Variants in CLPS observed in about 807,000 individuals in gnomAD.
The protein encoded by CLPS is colipase, pancreatic.
A neutral mutation model predicts 9.3 loss-of-function variants in CLPS; 8 were observed. The ratio of observed to expected loss-of-function variants is 0.86; its 90% CI spans 0.51 to 1.56. The LOEUF (loss-of-function observed/expected upper bound fraction) is 1.56, where lower values mean the gene tolerates loss of function less well. CLPS is among the 40% of genes most tolerant of loss of function. CLPS has a pLI of 0.00. For missense variants in CLPS, 144 were observed against 145.7 expected, an observed-to-expected ratio of 0.99 and a Z score of 0.06; for synonymous variants, 61 against 56.2, an observed-to-expected ratio of 1.09 and a Z score of -0.39.
chr6:35,795,603 T>G (rs966667690), intron 2 of CLPS, 128 bp downstream of exon 2: 1 of 1,452,446 alleles, frequency 6.9e-7, no homozygotes, highest in Non-Finnish European at 9.3e-7. Context: ...CTTTGACACC[T>G]GTCGACCTCC....
intron 1 of CLPS, chr6:35,796,872 T>G (rs1768380942): frequency 2.1e-6 from 1 of 465,128 alleles, no homozygotes; most frequent in Non-Finnish European, 4.1e-6. Flanking sequence ...AAGCAGAGAT[T>G]GCAGTGAGCC....
At chr6:35,797,163 A>G in intron 1 of CLPS, 42 bp downstream of exon 1, 4 of 1,560,136 alleles carry the variant, frequency 2.6e-6, no homozygotes, top group South Asian at 1.1e-5. Flanking sequence ...GGAAGTCTTC[A>G]TCTGGGGACT....
rs1037382648 is a variant in CLPS, at chr6:35,795,125, T to C, written c.*21A>G. On this transcript the variant is annotated 3_prime_UTR_variant, in exon 3 of 3. Coordinates refer to ENST00000259938, the MANE Select transcript of CLPS (RefSeq NM_001832.4). ...GTGGCCTACAGCATTCTGGGCTAGG[T>C]GTGGGAGTGGGTGGGCAGTCTCACT... The C allele has an allele frequency of 6.2e-7, 1 of 1,611,392 alleles. No individual in the cohort carries two copies.
chr6:35,796,407 G>A (rs1768369907), intron 1 of CLPS, among the ~76,000 whole-genome samples: 1 of 152,292 alleles, frequency 6.6e-6, no homozygotes, highest in South Asian at 2.1e-4. Flanking sequence ...GAGAGGTGGT[G>A]TGGGGCAGTG....
intron 1 of CLPS, 70 bp downstream of exon 1, chr6:35,797,135 G>A (rs1768387192): frequency 7.1e-7 from 1 of 1,411,654 alleles, no homozygotes; most frequent in South Asian, 1.2e-5. Context: ...AGACATCAGA[G>A]GTCAAGGTCC....
chr6:35,795,424 C>A, intron 2 of CLPS, 147 bp from the exon 3 acceptor site: 1 of 1,248,582 alleles, frequency 8.0e-7, no homozygotes, highest in Non-Finnish European at 1.1e-6. Flanking sequence ...GCCGTGGGCC[C>A]TGGAGACCCC....
Position 35,797,227 on chromosome 6 carries a change from G to A in CLPS, c.62C>T (p.Pro21Leu). The change falls in exon 1 of 3, where the codon CCC becomes CTC. Residue 21 changes from proline (P) to leucine (L), a missense_variant. Transcript: ENST00000259938. ...ALSVAYAAPG[P>L]RGIIINLENG... is the part of the protein sequence containing the mutation. ...TACCAGGTTGATAATGATCCCCCGGGGGCCAGGAGCTGCATAGGCCACAGA... is the reference window on the plus strand; with the variant it reads ...TACCAGGTTGATAATGATCCCCCGGAGGCCAGGAGCTGCATAGGCCACAGA... 1.9e-6 allele frequency: 3 copies of A among 1,614,096 alleles called. No homozygotes were observed. Among genetic ancestry groups the A allele is most frequent in the Non-Finnish European group, 2.5e-6 (3 of 1,179,962 alleles).
At chr6:35,796,005 C>A (rs1581961443) in intron 1 of CLPS, 152 bp from the exon 2 acceptor site, 2 of 1,291,694 alleles carry the variant, frequency 1.5e-6, no homozygotes, top group South Asian at 2.7e-5. Context: ...GCCTCTGTGC[C>A]CCCCACCCAC....
At chr6:35,796,984 C>T (rs1287824063) in intron 1 of CLPS, 21 of 589,406 alleles carry the variant, frequency 3.6e-5, no homozygotes, top group Non-Finnish European at 5.7e-5. Flanking sequence ...TGAGCTGCTG[C>T]TCTGAGCATG....
In CLPS at chr6:35,795,068, G is replaced by A. The variant is rs528094398; in HGVS notation, c.*78C>T. 124 of 1,554,512 alleles carry A rather than the reference G, an allele frequency of 8.0e-5. No homozygotes were observed. Among genetic ancestry groups the A allele is most frequent in the African/African-American group, 2.9e-4 (21 of 73,680 alleles). On this transcript the variant is annotated 3_prime_UTR_variant, in exon 3 of 3. Coordinates refer to ENST00000259938, the MANE Select transcript of CLPS (RefSeq NM_001832.4). ...AGGAGGTGGCCAGCCCGGGAGATGC[G>A]CTGGAGCAGGGGAGAGATGCCCCTG...
intron 2 of CLPS, 55 bp from the exon 3 acceptor site, chr6:35,795,332 C>T (rs966807517): frequency 2.1e-5 from 33 of 1,588,312 alleles, no homozygotes; most frequent in Non-Finnish European, 2.7e-5. Context: ...TTGGACATCA[C>T]TTGTCCCCTG....
chr6:35,795,382 G>A, intron 2 of CLPS, 105 bp from the exon 3 acceptor site: 12 of 1,497,310 alleles, frequency 8.0e-6, no homozygotes, highest in African/African-American at 1.4e-5. Context: ...GTGTTTTCGG[G>A]GAGTGCCTCT....
At chr6:35,796,717 C>T (rs950003286) in intron 1 of CLPS, 20 of 414,484 alleles carry the variant, frequency 4.8e-5, no homozygotes, top group Admixed American at 1.4e-4. Context: ...GGGCGGATCA[C>T]GAGGTCAGGA....
Position 35,797,291 on chromosome 6 carries a change from T to C in CLPS, c.-3A>G, listed in dbSNP as rs3748050. On this transcript the variant is annotated 5_prime_UTR_variant, in exon 1 of 3. Transcript: ENST00000259938. ...AGGAGGATCAGGATCTTCTCCATGGTGAGTGGGACAGCTGGTGTGGGTGGC... is the reference window on the plus strand; with the variant it reads ...AGGAGGATCAGGATCTTCTCCATGGCGAGTGGGACAGCTGGTGTGGGTGGC... 400,464 of 1,563,648 alleles carry C rather than the reference T, an allele frequency of 0.26. 22,528 individuals carry two copies. Among genetic ancestry groups the C allele is most frequent in the Non-Finnish European group, 0.27 (305,446 of 1,141,672 alleles).
In CLPS at chr6:35,795,242, C is replaced by A. The variant is rs1169523042; in HGVS notation, c.243G>T (p.Glu81Asp). 1.9e-6 allele frequency: 3 copies of A among 1,614,228 alleles called. No individual in the cohort carries two copies. Among genetic ancestry groups the A allele is most frequent in the Admixed American group, 1.7e-5 (1 of 60,022 alleles). ...TGTCTCCCTCACAGGTCAGGCCACG[C>A]TCACAGGGACACTTGTAGTAAATCC... is the stretch of plus-strand genomic sequence containing the variant. ...LYGIYYKCPC[E>D]RGLTCEGDKT... Residue 81 changes from glutamate (E) to aspartate (D), a missense_variant, in exon 3 of 3, where the codon GAG becomes GAT. Physicochemically the swap from Glu to Asp is conservative, Grantham distance 45. Transcript: ENST00000259938.
intron 1 of CLPS, 118 bp downstream of exon 1, chr6:35,797,087 A>G: frequency 1.1e-6 from 1 of 925,136 alleles, no homozygotes; most frequent in Non-Finnish European, 1.7e-6. Flanking sequence ...AGAGGGATGC[A>G]AGATGCCACT....
At position 35,795,256 on chromosome 6, in the gene CLPS, TGTA is replaced by T; in HGVS notation, c.226_228del (p.Tyr76del). 1 of 1,614,166 alleles carries T rather than the reference TGTA, an allele frequency of 6.2e-7. No homozygotes were observed. Among genetic ancestry groups the T allele is most frequent in the Non-Finnish European group, 8.5e-7 (1 of 1,179,998 alleles). ...GTCAGGCCACGCTCACAGGGACACTTGTAGTAAATCCCATAGAGCGTCTGCAGA... is the reference window on the plus strand; with the variant it reads ...GTCAGGCCACGCTCACAGGGACACTTGTAAATCCCATAGAGCGTCTGCAGA... On this transcript the variant is annotated inframe_deletion, in exon 3 of 3. Transcript: ENST00000259938.
intron 1 of CLPS, 23 bp downstream of exon 1, chr6:35,797,182 G>A (rs745617742): frequency 6.2e-6 from 10 of 1,602,952 alleles, no homozygotes; most frequent in East Asian, 2.2e-5. Context: ...CTCAGGAGGC[G>A]CCTCCCCTGA....
chr6:35,796,649 C>T (rs372282409), intron 1 of CLPS, among the ~76,000 whole-genome samples: 2 of 152,270 alleles, frequency 1.3e-5, no homozygotes, highest in Admixed American at 1.3e-4. Flanking sequence ...AAAGCTCCCT[C>T]GTAGGGCCAG....
Sources: gnomAD v4.1 joint callset for allele counts (sites outside exome capture counted in the v4.1 genomes callset) on GRCh38, gnomAD v4.1.1 for gene constraint, MANE v1.5 for transcripts, NCBI Gene and HGNC (gene_info 2026-07-23, HGNC 2026-07-21) for gene names.